NTRK2: variants seen among roughly 807,000 people sequenced by gnomAD.
NTRK2 encodes BDNF/NT-3 growth factors receptor.
A neutral mutation model predicts 94.5 loss-of-function variants in NTRK2; 13 were observed. The observed-to-expected ratio is 0.14, with a 90% CI of 0.09 to 0.22. The LOEUF is 0.22. NTRK2 is among the 10% of genes least tolerant of loss of function. The pLI, the probability that NTRK2 is intolerant of heterozygous loss-of-function variation, is 1.00. For synonymous variants in NTRK2, 372 were observed against 407.4 expected, an observed-to-expected ratio of 0.91 and a Z score of 1.05; for missense variants, 639 against 1,071.2, an observed-to-expected ratio of 0.60 and a Z score of 5.63.
At chr9:84,815,293 T>C in intron 12 of NTRK2, 1 of 1,051,330 alleles carries the variant, frequency 9.5e-7, no homozygotes, top group Non-Finnish European at 1.1e-6. Flanking sequence ...CTACTGACTA[T>C]GACTGCAGTG....
At chr9:84,906,040 A>G (rs1308566157) in intron 14 of NTRK2, among the ~76,000 whole-genome samples, 2 of 152,220 alleles carry the variant, frequency 1.3e-5, no homozygotes, top group Non-Finnish European at 2.9e-5. Context: ...GTGAAGCAAA[A>G]GAGACATCCC....
chr9:84,710,713 C>G lies in NTRK2; in HGVS notation c.505C>G (p.Pro169Ala). The change falls in exon 6 of 19, where the codon CCA becomes GCA. Residue 169 changes from proline to alanine, a missense_variant. Physicochemically the swap from Pro to Ala is conservative, Grantham distance 27. This residue lies in a region of NTRK2 where 206 missense variants were observed against 251.5 expected (regional missense o/e 0.82). Transcript: ENST00000277120. Reference protein sequence around the residue: ...IKTLQEAKSSPDTQDLYCLNE... With the variant: ...IKTLQEAKSSADTQDLYCLNE... ...GACTCTCCAAGAGGCTAAATCCAGT[C>G]CAGACACTCAGGATTTGTACTGCCT... is the stretch of plus-strand genomic sequence containing the variant. 1.2e-6 allele frequency: 2 copies of G among 1,613,982 alleles called. No homozygotes were observed.
intron 2 of NTRK2, among the ~76,000 whole-genome samples, chr9:84,699,040 T>A (rs913095391): frequency 5.6e-4 from 14 of 24,966 alleles, no homozygotes; most frequent in Middle Eastern, 0.011. Flanking sequence ...TTGCTGAAAA[T>A]TTTTTTTTTT....
chr9:84,868,440 A>G (rs1455982649), intron 14 of NTRK2, among the ~76,000 whole-genome samples: 1 of 152,172 alleles, frequency 6.6e-6, no homozygotes, highest in Non-Finnish European at 1.5e-5. Context: ...ACTTCATCCT[A>G]TTCACTCAAA....
At position 84,841,898 on chromosome 9, in the gene NTRK2, G is replaced by T. The variant is rs1428923864; in HGVS notation, c.1397-19142G>T. On this transcript the variant is annotated intron_variant, in intron 12 of 18. Coordinates refer to ENST00000277120, the MANE Select transcript of NTRK2 (RefSeq NM_006180.6). Reference sequence around the variant, plus strand: ...AATGAATGAAAGAATGAACATCCCAGGTTGAATCTAGGGCACAGCAAGGTT... The same window carrying T: ...AATGAATGAAAGAATGAACATCCCATGTTGAATCTAGGGCACAGCAAGGTT... Among the ~76,000 whole-genome samples, 3 of 152,210 alleles carry T rather than the reference G, an allele frequency of 2.0e-5. No homozygotes were observed. The East Asian group carries it at 5.8e-4, about 29-fold the overall frequency.
At chr9:84,765,620 T>A (rs1340938721) in intron 12 of NTRK2, among the ~76,000 whole-genome samples, 1 of 152,142 alleles carries the variant, frequency 6.6e-6, no homozygotes. Flanking sequence ...CTAAGACTTG[T>A]AAGAAGACTC....
At chr9:84,774,601 C>T (rs765916367) in intron 12 of NTRK2, among the ~76,000 whole-genome samples, 1 of 152,128 alleles carries the variant, frequency 6.6e-6, no homozygotes, top group South Asian at 2.1e-4. Flanking sequence ...CAAAGTGGAT[C>T]CCTTAGAACA....
Position 84,872,603 on chromosome 9 carries a change from C to CTT in NTRK2, c.1633+5182_1633+5183dup. 8 of 836,246 alleles carry CTT rather than the reference C, an allele frequency of 9.6e-6. No homozygotes were observed. In the East Asian group the frequency reaches 2.4e-4, roughly 25 times the overall value. 51.8% of individuals were successfully genotyped at this position (836,246 alleles called of 1,614,324 possible). On this transcript the variant is annotated intron_variant, in intron 14 of 18. Coordinates refer to ENST00000277120, the MANE Select transcript of NTRK2 (RefSeq NM_006180.6). ...GGCAGAGGCATGTAAAGTATTCTGA[C>CTT]TTTTTTTTTTTCAACTTAATTCCAT...
chr9:84,893,789 C>T (rs952498188), intron 14 of NTRK2, among the ~76,000 whole-genome samples: 3 of 152,170 alleles, frequency 2.0e-5, no homozygotes, highest in Admixed American at 6.5e-5. Context: ...ACGAGGCAGA[C>T]ACTGCTCATT....
rs139129740 is a variant in NTRK2 at position 84,727,968 on chromosome 9, C to A, written c.1159+9C>A. 1 of 1,612,780 alleles carries A rather than the reference C, an allele frequency of 6.2e-7. No individual in the cohort carries two copies. Among genetic ancestry groups the A allele is most frequent in the East Asian group, 2.2e-5 (1 of 44,876 alleles). On this transcript the variant is annotated intron_variant, in intron 9 of 18. Coordinates refer to ENST00000277120, the MANE Select transcript of NTRK2 (RefSeq NM_006180.6). ...GCCTGGAATTGACGATGGTGAGTAA[C>A]TGACACTTTTGTATGTGGGGAGAAG...
intron 17 of NTRK2, among the ~76,000 whole-genome samples, chr9:84,973,848 C>G (rs1826480224): frequency 6.6e-6 from 1 of 152,088 alleles, no homozygotes. Context: ...GACTTAAGAT[C>G]AATTCTTAGA....
chr9:84,781,891 C>T (rs1270550312), intron 12 of NTRK2, among the ~76,000 whole-genome samples: 5 of 152,110 alleles, frequency 3.3e-5, no homozygotes, highest in Admixed American at 2.6e-4. Context: ...TTGGGAATCT[C>T]TTAGCTAGTA....
intron 17 of NTRK2, among the ~76,000 whole-genome samples, chr9:84,976,278 T>C (rs1344237309): frequency 6.6e-6 from 1 of 152,214 alleles, no homozygotes; most frequent in East Asian, 1.9e-4. Flanking sequence ...ACCTTCTTGC[T>C]GTGTCCCTGT....
At chr9:84,752,290 A>G (rs2064699972) in intron 12 of NTRK2, among the ~76,000 whole-genome samples, 1 of 152,220 alleles carries the variant, frequency 6.6e-6, no homozygotes, top group Admixed American at 6.5e-5. Context: ...TTCCATGAGA[A>G]CAGTTGTCCC....
chr9:84,689,216 C>A (rs1357178651), intron 2 of NTRK2, among the ~76,000 whole-genome samples: 1 of 152,254 alleles, frequency 6.6e-6, no homozygotes, highest in Non-Finnish European at 1.5e-5. Flanking sequence ...GAGCATGACA[C>A]TGAACAGCCT....
rs200164745 is a variant in NTRK2, at chr9:84,670,572, G to T, written c.-177G>T. On this transcript the variant is annotated 5_prime_UTR_variant, in exon 2 of 19. Transcript: ENST00000277120. ...GCCACTGTGAACCCTGCCGCCTGCC[G>T]GAACACTCTTCGCTCCGGACCAGCT... The T allele has an allele frequency of 2.5e-5, 17 of 673,152 alleles. No individual in the cohort carries two copies. The highest frequency in any genetic ancestry group is 3.6e-5 in the Non-Finnish European group (14 of 385,496). The allele number at this position is 673,152 out of a possible 1,614,324, so 41.7% of individuals were successfully genotyped here.
rs78382021 is a variant in NTRK2 at position 85,021,560 on chromosome 9, C to T, written c.*123C>T. The T allele has an allele frequency of 2.1e-5, 20 of 947,394 alleles. 1 individual carries two copies. The South Asian group carries it at 2.7e-4, about 13-fold the overall frequency. 58.7% of individuals were successfully genotyped at this position (947,394 alleles called of 1,614,324 possible). ...TCCTTCACTCTGACAGTATTAACAT[C>T]AAAGACTCCGAGAAGCTCTCGAGGG... On this transcript the variant is annotated 3_prime_UTR_variant, in exon 19 of 19. Coordinates refer to ENST00000277120, the MANE Select transcript of NTRK2 (RefSeq NM_006180.6).
intron 9 of NTRK2, among the ~76,000 whole-genome samples, chr9:84,731,875 AG>A (rs2062917762): frequency 1.3e-5 from 2 of 152,182 alleles, no homozygotes; most frequent in African/African-American, 4.8e-5. Flanking sequence ...CCCAGCCAGC[AG>A]GCTAATGTGG....
chr9:84,903,789 T>G (rs1279978752), intron 14 of NTRK2, among the ~76,000 whole-genome samples: 1 of 151,766 alleles, frequency 6.6e-6, no homozygotes, highest in African/African-American at 2.4e-5. Flanking sequence ...TCACCTGGCC[T>G]GGGAAACTCT....
Sources: allele counts gnomAD v4.1 joint callset (sites outside exome capture counted in the v4.1 genomes callset), GRCh38; gene constraint gnomAD v4.1.1; regional missense constraint gnomAD v4.1.1; transcripts MANE v1.5; gene names NCBI Gene and HGNC (gene_info 2026-07-23, HGNC 2026-07-21).